Variants in ARHGEF18 observed in about 807,000 individuals in gnomAD.
ARHGEF18 encodes Rho/Rac guanine nucleotide exchange factor 18.
Under a neutral mutation model 155.7 loss-of-function variants are expected in ARHGEF18, and 93 were observed. That is an observed-to-expected ratio of 0.60 (90% CI 0.50 to 0.71). The LOEUF is 0.71. Ranked by LOEUF, ARHGEF18 falls within the 30% of genes least tolerant of loss-of-function variation. The pLI, the probability that ARHGEF18 is intolerant of heterozygous loss-of-function variation, is 0.00. For missense variants in ARHGEF18, 1,593 were observed against 1,816.1 expected (o/e 0.88, Z 2.23); for synonymous variants, 742 against 753.1 (o/e 0.99, Z 0.24).
At chr19:7,452,002 A>G (rs112441282) in intron 16 of ARHGEF18, among the ~76,000 whole-genome samples, 4,373 of 152,280 alleles carry the variant, frequency 0.029, 203 homozygotes, top group African/African-American at 0.095. Context: ...GATTACAGGC[A>G]TGAGCCACCA....
intron 19 of ARHGEF18, among the ~76,000 whole-genome samples, chr19:7,459,626 C>A (rs79348329): frequency 0.026 from 3,963 of 152,334 alleles, 173 homozygotes; most frequent in East Asian, 0.14. Flanking sequence ...CCACCTGCAC[C>A]TGGCAGGTCC....
chr19:7,389,488 T>C (rs1484574851), intron 10 of ARHGEF18, among the ~76,000 whole-genome samples: 3 of 108,332 alleles, frequency 2.8e-5, no homozygotes, highest in African/African-American at 1.0e-4. Flanking sequence ...TCCTTCCTTC[T>C]TCCTTCCTCC....
At chr19:7,435,331 G>C (rs951019514) in intron 10 of ARHGEF18, among the ~76,000 whole-genome samples, 1 of 152,156 alleles carries the variant, frequency 6.6e-6, no homozygotes, top group African/African-American at 2.4e-5. Flanking sequence ...CACAGACCCA[G>C]AAATGACCGT....
At chr19:7,389,789 G>A (rs1971296326) in intron 10 of ARHGEF18, among the ~76,000 whole-genome samples, 1 of 152,036 alleles carries the variant, frequency 6.6e-6, no homozygotes, top group Admixed American at 6.6e-5. Flanking sequence ...CCCACGAGTC[G>A]TGACATCCAG....
At chr19:7,430,303 G>A (rs1251466506) in intron 10 of ARHGEF18, among the ~76,000 whole-genome samples, 1 of 151,982 alleles carries the variant, frequency 6.6e-6, no homozygotes, top group Admixed American at 6.6e-5. Flanking sequence ...CCAGGCTCAA[G>A]CGATCCTTCT....
chr19:7,361,629 C>A (rs2145338661), intron 1 of ARHGEF18, among the ~76,000 whole-genome samples: 1 of 152,252 alleles, frequency 6.6e-6, no homozygotes, highest in East Asian at 1.9e-4. Flanking sequence ...ACCCAAATGT[C>A]CATCAACAGA....
intron 1 of ARHGEF18, among the ~76,000 whole-genome samples, chr19:7,351,305 TTTTG>T (rs143178894): frequency 0.077 from 11,598 of 150,368 alleles, 578 homozygotes; most frequent in African/African-American, 0.14. Context: ...AGTGGACTTC[TTTTG>T]TTTGTTTGTT....
At chr19:7,391,663 G>A (rs896722495) in intron 10 of ARHGEF18, among the ~76,000 whole-genome samples, 8 of 152,090 alleles carry the variant, frequency 5.3e-5, no homozygotes, top group East Asian at 1.9e-4. Context: ...CCAGGAAGTC[G>A]GAATTAGGCT....
chr19:7,362,910 G>T lies in ARHGEF18; in HGVS notation c.15+5G>T. The T allele has an allele frequency of 2.4e-6, 3 of 1,234,346 alleles. No homozygotes were observed. Among genetic ancestry groups the T allele is most frequent in the Non-Finnish European group, 3.0e-6 (3 of 988,164 alleles). The allele number at this position is 1,234,346 out of a possible 1,614,324, so 76.5% of individuals were successfully genotyped here. Reference sequence around the variant, plus strand: ...TCTGCCATGGGGGATGATCAGGCAGGTGTCTGACTGCTGAAACGGGCAGGA... The same window carrying T: ...TCTGCCATGGGGGATGATCAGGCAGTTGTCTGACTGCTGAAACGGGCAGGA... On this transcript the variant is annotated splice_donor_5th_base_variant and intron_variant, in intron 2 of 28. Coordinates refer to ENST00000668164, the MANE Select transcript of ARHGEF18 (RefSeq NM_001367823.1).
At chr19:7,452,453 AATTTATTT>A (rs370557521) in intron 16 of ARHGEF18, among the ~76,000 whole-genome samples, 184 of 151,858 alleles carry the variant, frequency 1.2e-3, no homozygotes, top group Non-Finnish European at 1.4e-3. Context: ...GAGGGAATCT[AATTTATTT>A]ATTTATTTAT....
At chr19:7,412,957 C>A (rs907079226) in intron 10 of ARHGEF18, among the ~76,000 whole-genome samples, 1 of 151,966 alleles carries the variant, frequency 6.6e-6, no homozygotes, top group African/African-American at 2.4e-5. Flanking sequence ...TTGGAGGAGT[C>A]CCCTTACTAG....
chr19:7,370,999 C>A (rs933273128), intron 2 of ARHGEF18, among the ~76,000 whole-genome samples: 1 of 152,020 alleles, frequency 6.6e-6, no homozygotes, highest in Non-Finnish European at 1.5e-5. Context: ...CAGCTTTGAC[C>A]TCCCAGGTTC....
In ARHGEF18 at chr19:7,378,537, A is replaced by G. The variant is rs1007639381; in HGVS notation, c.599+86A>G. ...TGCGGGAGGAGGGCTGCCAGGGTGC[A>G]GTGTTGCTGGCCATAAGTGACCAGG... On this transcript the variant is annotated intron_variant, in intron 6 of 28. Transcript: ENST00000668164. 4.5e-5 allele frequency: 51 copies of G among 1,122,780 alleles called. No individual in the cohort carries two copies. In the South Asian group the frequency reaches 2.1e-3, roughly 47 times the overall value. The allele number at this position is 1,122,780 out of a possible 1,614,324, so 69.6% of individuals were successfully genotyped here. A position where few individuals can be genotyped will look rare whatever the true frequency, so the allele number is the denominator to read the frequency against.
intron 10 of ARHGEF18, among the ~76,000 whole-genome samples, chr19:7,411,649 G>A (rs1229875825): frequency 6.6e-6 from 1 of 152,034 alleles, no homozygotes; most frequent in Non-Finnish European, 1.5e-5. Flanking sequence ...TAAGTGCACA[G>A]GTTGGTGGCA....
chr19:7,378,478 G>A (rs1388190089), intron 6 of ARHGEF18, 27 bp downstream of exon 6: 43 of 1,233,538 alleles, frequency 3.5e-5, no homozygotes, highest in Non-Finnish European at 4.3e-5. Context: ...TGGTGGGGGA[G>A]GGACCCCCAG....
At chr19:7,403,553 CTT>C (rs746180410) in intron 10 of ARHGEF18, among the ~76,000 whole-genome samples, 4 of 122,894 alleles carry the variant, frequency 3.3e-5, no homozygotes, top group Non-Finnish European at 1.6e-5. Context: ...TTCTTTCTTT[CTT>C]TTTTTTTTTT....
At position 7,447,136 on chromosome 19, in the gene ARHGEF18, C is replaced by T. The variant is rs1975048856; in HGVS notation, c.1705C>T (p.Gln569Ter). The change falls in exon 15 of 29, where the codon CAG (glutamine) becomes TAG (stop). Residue 569 changes from glutamine to a stop codon, truncating the protein, a stop_gained. Transcript: ENST00000668164. LOFTEE classifies it high-confidence loss of function. ...EAVSHYKLLL[Q>*]QNKKFQNLIK... Reference sequence around the variant, plus strand: ...TGTTAGTCATTACAAGTTGCTGCTTCAGCAAAACAAGAAATTTCAAAACTT... The same window carrying T: ...TGTTAGTCATTACAAGTTGCTGCTTTAGCAAAACAAGAAATTTCAAAACTT... 6.2e-7 allele frequency: 1 copy of T among 1,613,034 alleles called. No homozygotes were observed. The highest frequency in any genetic ancestry group is 8.5e-7 in the Non-Finnish European group (1 of 1,179,646).
At chr19:7,414,229 A>T (rs947776528) in intron 10 of ARHGEF18, among the ~76,000 whole-genome samples, 5 of 136,794 alleles carry the variant, frequency 3.7e-5, no homozygotes, top group African/African-American at 5.3e-5. Flanking sequence ...ACTCTGCCAA[A>T]TGACCCTGGG....
rs1415368505 is a variant in ARHGEF18, at chr19:7,467,147, C to T, written c.3009+29C>T. 4.4e-6 allele frequency: 7 copies of T among 1,583,806 alleles called. No homozygotes were observed. In the East Asian group the frequency reaches 1.1e-4, roughly 25 times the overall value. Reference sequence around the variant, plus strand: ...CAGGGGCGGGGTGGGGCCGGCCACGCGTGCCCTTTCCTGGTTGGCTGGGGC... The same window carrying T: ...CAGGGGCGGGGTGGGGCCGGCCACGTGTGCCCTTTCCTGGTTGGCTGGGGC... On this transcript the variant is annotated intron_variant, in intron 25 of 28. Transcript: ENST00000668164.
Sources: allele counts gnomAD v4.1 joint callset (sites outside exome capture counted in the v4.1 genomes callset), GRCh38; gene constraint gnomAD v4.1.1; transcripts MANE v1.5; gene names NCBI Gene and HGNC (gene_info 2026-07-23, HGNC 2026-07-21).